Variants in PTPN2 observed in about 807,000 individuals in gnomAD.
PTPN2 encodes the protein protein tyrosine phosphatase non-receptor type 2.
A neutral mutation model predicts 57.3 loss-of-function variants in PTPN2; 19 were observed. The observed-to-expected ratio is 0.33, with a 90% CI of 0.23 to 0.49. The LOEUF is 0.49. Ranked by LOEUF, PTPN2 falls within the 20% of genes least tolerant of loss-of-function variation. PTPN2 has a pLI of 0.99. For synonymous variants in PTPN2, 153 were observed against 164.9 expected (o/e 0.93, Z 0.55); for missense variants, 358 against 501.1 (o/e 0.71, Z 2.73).
intron 2 of PTPN2, among the ~76,000 whole-genome samples, chr18:12,845,216 G>C (rs906090649): frequency 9.2e-5 from 14 of 152,126 alleles, no homozygotes; most frequent in Admixed American, 5.2e-4. Flanking sequence ...CAGAAATTGT[G>C]TTAGATCTTT....
intron 2 of PTPN2, among the ~76,000 whole-genome samples, chr18:12,857,651 G>A (rs2043640186): frequency 6.6e-6 from 1 of 152,140 alleles, no homozygotes; most frequent in African/African-American, 2.4e-5. Context: ...TTTGGAGGCA[G>A]GGGAAGGGCA....
Position 12,794,363 on chromosome 18 carries a change from A to T in PTPN2, c.1163T>A (p.Ile388Asn). 6.2e-7 allele frequency: 1 copy of T among 1,614,244 alleles called. No homozygotes were observed. The highest frequency in any genetic ancestry group is 8.5e-7 in the Non-Finnish European group (1 of 1,180,032). Residue 388 changes from isoleucine (I) to asparagine (N), a missense_variant, in exon 9 of 9, where the codon ATT becomes AAT. Ile to Asn is a moderately radical substitution (Grantham distance 149). This residue lies in a region of PTPN2 where 96 missense variants were observed against 110.8 expected (regional missense o/e 0.87). Transcript: ENST00000309660. ...KRKRWLYWQPILTKMGFMSVI... is the reference protein window; with the variant it reads ...KRKRWLYWQPNLTKMGFMSVI... ...TGACATAAACCCCATCTTAGTGAGAATAGGTTGCCAATATAACCACCTTTT... is the reference window on the plus strand; with the variant it reads ...TGACATAAACCCCATCTTAGTGAGATTAGGTTGCCAATATAACCACCTTTT...
At chr18:12,870,997 T>C (rs1019750830) in intron 1 of PTPN2, among the ~76,000 whole-genome samples, 2 of 152,174 alleles carry the variant, frequency 1.3e-5, no homozygotes, top group Admixed American at 6.5e-5. Flanking sequence ...GCCTTGTATA[T>C]TTTCCGAGAC....
intron 2 of PTPN2, chr18:12,840,805 TCA>T (rs2043019927): frequency 6.3e-7 from 1 of 1,598,380 alleles, no homozygotes; most frequent in Non-Finnish European, 8.5e-7. Context: ...CTTGCTGACA[TCA>T]CCTTTTCACG....
intron 1 of PTPN2, among the ~76,000 whole-genome samples, chr18:12,861,077 T>C (rs180749658): frequency 1.3e-5 from 2 of 152,298 alleles, no homozygotes; most frequent in African/African-American, 4.8e-5. Flanking sequence ...TGGGCTCAAG[T>C]CATCTACCTG....
intron 2 of PTPN2, among the ~76,000 whole-genome samples, chr18:12,851,464 CG>C (rs1260169374): frequency 1.5e-4 from 1 of 6,640 alleles, no homozygotes; most frequent in East Asian, 2.7e-3. Context: ...CCGGCCTGGG[CG>C]ACAGAGCGAG....
rs540973464 is a variant in PTPN2 at position 12,867,621 on chromosome 18, T to C, written c.70-8367A>G. Among the ~76,000 whole-genome samples the C allele has an allele frequency of 5.6e-5, 8 of 143,300 alleles. 1 individual carries two copies. Among genetic ancestry groups the C allele is most frequent in the Middle Eastern group, 7.2e-3 (2 of 276 alleles). 94.0% of individuals were successfully genotyped at this position (143,300 alleles called of 152,430 possible). ...CATTTGAGTCTTCCTTGTCGCTTAA[T>C]AGAGTTTCGCTTCAGTCTCCTCTGT... is the stretch of plus-strand genomic sequence containing the variant. On this transcript the variant is annotated intron_variant, in intron 1 of 8. Transcript: ENST00000309660.
At position 12,793,609 on chromosome 18, in the gene PTPN2, A is replaced by T; in HGVS notation, c.*669T>A. The T allele has an allele frequency of 1.0e-6, 1 of 979,166 alleles. No homozygotes were observed. Among genetic ancestry groups the T allele is most frequent in the African/African-American group, 1.7e-5 (1 of 57,192 alleles). 60.7% of individuals were successfully genotyped at this position (979,166 alleles called of 1,614,324 possible). ...ATAAAAGAAATGCAATATATAGTAG[A>T]AATTGCTTATTCCAACTTCTAACTG... On this transcript the variant is annotated 3_prime_UTR_variant, in exon 9 of 9. Coordinates refer to ENST00000309660, the MANE Select transcript of PTPN2 (RefSeq NM_002828.4).
At chr18:12,805,430 C>T (rs1202589502) in intron 7 of PTPN2, among the ~76,000 whole-genome samples, 2 of 150,604 alleles carry the variant, frequency 1.3e-5, no homozygotes, top group African/African-American at 4.9e-5. Flanking sequence ...GCACTCCAGC[C>T]TGGGCAACAG....
intron 3 of PTPN2, among the ~76,000 whole-genome samples, chr18:12,831,879 A>C (rs1371953122): frequency 3.9e-5 from 6 of 152,240 alleles, no homozygotes; most frequent in Admixed American, 3.9e-4. Context: ...ATGATAGCAT[A>C]GGGCAAAAGG....
At chr18:12,826,005 G>A (rs2042441878) in intron 4 of PTPN2, 61 bp from the exon 5 acceptor site, 2 of 1,385,426 alleles carry the variant, frequency 1.4e-6, no homozygotes, top group Non-Finnish European at 9.8e-7. Context: ...AAACCATAAA[G>A]TTAAAAAATG....
chr18:12,842,429 G>A (rs572421373), intron 2 of PTPN2, among the ~76,000 whole-genome samples: 1 of 152,300 alleles, frequency 6.6e-6, no homozygotes, highest in East Asian at 1.9e-4. Flanking sequence ...AGAAAAAAGA[G>A]TAACGGGACT....
intron 7 of PTPN2, among the ~76,000 whole-genome samples, chr18:12,806,665 G>A (rs928116563): frequency 3.3e-5 from 5 of 151,988 alleles, no homozygotes; most frequent in Admixed American, 2.0e-4. Flanking sequence ...ATTTATTTTT[G>A]ACAAAGATGC....
chr18:12,827,215 C>G (rs993235811), intron 4 of PTPN2, among the ~76,000 whole-genome samples: 2 of 151,774 alleles, frequency 1.3e-5, no homozygotes, highest in African/African-American at 4.8e-5. Flanking sequence ...TGGTGGTGGA[C>G]GCCTGTAGCC....
chr18:12,788,421 G>C (rs2040896867), downstream of PTPN2, among the ~76,000 whole-genome samples: 1 of 120,962 alleles, frequency 8.3e-6, no homozygotes, highest in Non-Finnish European at 1.7e-5. Context: ...GCCCAGAGAG[G>C]GGGATCAGGG....
At chr18:12,814,981 G>T (rs1022601824) in intron 6 of PTPN2, among the ~76,000 whole-genome samples, 33 of 152,030 alleles carry the variant, frequency 2.2e-4, no homozygotes, top group Non-Finnish European at 7.4e-5. Flanking sequence ...CTACATTGGA[G>T]GCTGAGGCTG....
At chr18:12,879,986 C>T (rs1035337906) in intron 1 of PTPN2, among the ~76,000 whole-genome samples, 2 of 152,196 alleles carry the variant, frequency 1.3e-5, no homozygotes, top group African/African-American at 4.8e-5. Context: ...TTGCTTAATG[C>T]AAATTGTGTT....
At chr18:12,788,432 CTTT>C (rs71174142), downstream of PTPN2, among the ~76,000 whole-genome samples, 3 of 90,108 alleles carry the variant, frequency 3.3e-5, no homozygotes, top group African/African-American at 1.4e-4. Flanking sequence ...GGGATCAGGG[CTTT>C]TTTTTTTTTT....
intron 5 of PTPN2, among the ~76,000 whole-genome samples, chr18:12,822,371 C>A (rs1051370759): frequency 1.3e-5 from 2 of 151,990 alleles, no homozygotes; most frequent in African/African-American, 4.8e-5. Flanking sequence ...TGAAGGGCAA[C>A]TAAAAAGAAA....
Sources: allele counts gnomAD v4.1 joint callset (sites outside exome capture counted in the v4.1 genomes callset), GRCh38; gene constraint gnomAD v4.1.1; regional missense constraint gnomAD v4.1.1; transcripts MANE v1.5; gene names NCBI Gene and HGNC (gene_info 2026-07-23, HGNC 2026-07-21).